The following ADCY5 variants were observed in gnomAD, a reference collection of about 807,000 sequenced individuals.
ADCY5 encodes the protein adenylate cyclase type 5.
ADCY5 carries 30 observed loss-of-function variants against 119.7 expected under a neutral mutation model. That is an observed-to-expected ratio of 0.25 (90% CI 0.19 to 0.34). The LOEUF (loss-of-function observed/expected upper bound fraction) is 0.34. Among genes scored for constraint, ADCY5 ranks in the 10% least tolerant of loss-of-function variants. The probability of loss-of-function intolerance (pLI) is 1.00; values close to 1 mark genes in which losing one functional copy is unlikely to be tolerated. For synonymous variants in ADCY5, 753 were observed against 762.2 expected (o/e 0.99, Z 0.20); for missense variants, 1,324 against 1,775.2 (o/e 0.75, Z 4.57).
chr3:123,397,284 C>A (rs1035200949), intron 1 of ADCY5, among the ~76,000 whole-genome samples: 1 of 152,172 alleles, frequency 6.6e-6, no homozygotes, highest in African/African-American at 2.4e-5. Flanking sequence ...AAGCAGGAGT[C>A]CTGCCTGTGC....
chr3:123,307,419 G>A (rs896316880), intron 12 of ADCY5, among the ~76,000 whole-genome samples: 1 of 152,158 alleles, frequency 6.6e-6, no homozygotes, highest in Non-Finnish European at 1.5e-5. Flanking sequence ...ATTTGAAAGT[G>A]CTCTGTAAGC....
intron 1 of ADCY5, among the ~76,000 whole-genome samples, chr3:123,385,390 G>A (rs57050334): frequency 0.48 from 72,472 of 151,942 alleles, 18,088 homozygotes; most frequent in East Asian, 0.68. Flanking sequence ...GGAGAAAGGA[G>A]AGGGAGGGAA....
chr3:123,404,729 C>T (rs1023509213), intron 1 of ADCY5, among the ~76,000 whole-genome samples: 1 of 152,254 alleles, frequency 6.6e-6, no homozygotes, highest in East Asian at 1.9e-4. Context: ...GTTCAGCACT[C>T]GAGAATTTTT....
intron 1 of ADCY5, among the ~76,000 whole-genome samples, chr3:123,391,918 A>G (rs1200534465): frequency 2.6e-5 from 4 of 152,160 alleles, no homozygotes. Context: ...TCTGTCCAGC[A>G]ACTTCATCTC....
At chr3:123,311,705 G>A (rs1940593111) in intron 12 of ADCY5, among the ~76,000 whole-genome samples, 1 of 152,124 alleles carries the variant, frequency 6.6e-6, no homozygotes, top group South Asian at 2.1e-4. Context: ...CAGGTTCCAG[G>A]TTTCATAAGC....
At chr3:123,402,254 C>T (rs963672775) in intron 1 of ADCY5, among the ~76,000 whole-genome samples, 6 of 152,224 alleles carry the variant, frequency 3.9e-5, no homozygotes, top group Non-Finnish European at 8.8e-5. Context: ...AGACCACAAG[C>T]AGGACCTTTT....
At chr3:123,345,799 A>G (rs897076027) in intron 3 of ADCY5, among the ~76,000 whole-genome samples, 13 of 55,958 alleles carry the variant, frequency 2.3e-4, no homozygotes, top group Non-Finnish European at 4.1e-4. Context: ...CACACACAGG[A>G]AACCAAATCT....
rs184863997 is a variant in ADCY5, at chr3:123,417,684, G to A, written c.1134+29728C>T. On this transcript the variant is annotated intron_variant, in intron 1 of 20. Transcript: ENST00000462833. Reference sequence around the variant, plus strand: ...GTCAGAAGATGGCAGGTCTAAATCCGATCCATTCAGATGGGTCTAAATCAG... The same window carrying A: ...GTCAGAAGATGGCAGGTCTAAATCCAATCCATTCAGATGGGTCTAAATCAG... Among the ~76,000 whole-genome samples the A allele has an allele frequency of 1.6e-4, 24 of 152,288 alleles. No homozygotes were observed. The East Asian group carries it at 3.5e-3, about 22-fold the overall frequency.
At chr3:123,332,433 C>G in intron 4 of ADCY5, 131 bp downstream of exon 4, 1 of 690,496 alleles carries the variant, frequency 1.4e-6, no homozygotes, top group Non-Finnish European at 2.5e-6. Flanking sequence ...TGCCCATCAC[C>G]AGCAGGCTCT....
At chr3:123,358,143 C>T (rs990512648) in intron 1 of ADCY5, among the ~76,000 whole-genome samples, 15 of 143,382 alleles carry the variant, frequency 1.0e-4, no homozygotes, top group African/African-American at 3.8e-4. Context: ...ACACATCTAA[C>T]CACATGGAAC....
intron 7 of ADCY5, among the ~76,000 whole-genome samples, chr3:123,327,358 C>G (rs546390619): frequency 1.1e-4 from 17 of 152,304 alleles, no homozygotes; most frequent in African/African-American, 3.6e-4. Flanking sequence ...TGATTTCCAG[C>G]TTGTGGACTT....
intron 1 of ADCY5, among the ~76,000 whole-genome samples, chr3:123,367,035 G>A (rs1026207714): frequency 3.9e-5 from 6 of 152,174 alleles, no homozygotes; most frequent in East Asian, 1.9e-4. Flanking sequence ...GCAATGCAAC[G>A]GAATGCTCAG....
rs369335992 is a variant in ADCY5 at position 123,347,935 on chromosome 3, C to T, written c.1285-32G>A. ...AGGGAAGCACATGCTTTCATCACCACGCCTTCTACCTGCCTGGCAAGTGCT... is the reference window on the plus strand; with the variant it reads ...AGGGAAGCACATGCTTTCATCACCATGCCTTCTACCTGCCTGGCAAGTGCT... On this transcript the variant is annotated intron_variant, in intron 2 of 20. Coordinates refer to ENST00000462833, the MANE Select transcript of ADCY5 (RefSeq NM_183357.3). 119 of 1,613,238 alleles carry T rather than the reference C, an allele frequency of 7.4e-5. 1 individual carries two copies. In the Middle Eastern group the frequency reaches 8.3e-4, roughly 11 times the overall value.
At chr3:123,293,929 C>T (rs935420138) in intron 17 of ADCY5, among the ~76,000 whole-genome samples, 7 of 152,136 alleles carry the variant, frequency 4.6e-5, no homozygotes, top group African/African-American at 1.4e-4. Flanking sequence ...CACAGATTCC[C>T]GGGCTGGAGC....
chr3:123,374,790 A>G (rs1943760486), intron 1 of ADCY5, among the ~76,000 whole-genome samples: 1 of 152,196 alleles, frequency 6.6e-6, no homozygotes, highest in Admixed American at 6.5e-5. Flanking sequence ...GGATGAATCC[A>G]ATAGATTCTA....
At chr3:123,356,228 C>A (rs1381259499) in intron 1 of ADCY5, among the ~76,000 whole-genome samples, 1 of 152,078 alleles carries the variant, frequency 6.6e-6, no homozygotes, top group African/African-American at 2.4e-5. Context: ...ATCTTTATAA[C>A]CTTGGATTAG....
At position 123,284,725 on chromosome 3, in the gene ADCY5, G is replaced by A. The variant is rs140908742; in HGVS notation, c.3669C>T (p.Asp1223=). ...TGTTGGCAGCCAGCACCTGGTACAT[G>A]TCTGTGGTGACCTGTGGGGGAACAG... The part of the protein sequence containing the change: ...GVPDRIQVTT[D]MYQVLAANTY... The change falls in exon 21 of 21, where the codon GAC becomes GAT. Residue 1223 remains aspartate (D), a synonymous_variant. Coordinates refer to ENST00000462833, the MANE Select transcript of ADCY5 (RefSeq NM_183357.3). 2.1e-5 allele frequency: 34 copies of A among 1,614,226 alleles called. No individual in the cohort carries two copies. The highest frequency in any genetic ancestry group is 2.5e-5 in the Non-Finnish European group (29 of 1,180,036).
At chr3:123,444,078 G>A (rs1945771191) in intron 1 of ADCY5, among the ~76,000 whole-genome samples, 1 of 152,212 alleles carries the variant, frequency 6.6e-6, no homozygotes, top group Admixed American at 6.5e-5. Context: ...GTAGCAGAGT[G>A]GGATACAGTC....
chr3:123,436,541 A>G (rs928538699), intron 1 of ADCY5, among the ~76,000 whole-genome samples: 5 of 151,898 alleles, frequency 3.3e-5, no homozygotes, highest in African/African-American at 1.2e-4. Flanking sequence ...TCCCTTCTCT[A>G]CTAAAAATAC....
Sources: gnomAD v4.1 joint callset for allele counts (sites outside exome capture counted in the v4.1 genomes callset) on GRCh38, gnomAD v4.1.1 for gene constraint, MANE v1.5 for transcripts, NCBI Gene and HGNC (gene_info 2026-07-23, HGNC 2026-07-21) for gene names.